SEMA5A: variants seen among roughly 807,000 people sequenced by gnomAD.
SEMA5A encodes the protein semaphorin-5A.
Under a neutral mutation model 135.5 loss-of-function variants are expected in SEMA5A, and 55 were observed. The ratio of observed to expected loss-of-function variants is 0.41; its 90% CI spans 0.33 to 0.51. SEMA5A has a LOEUF of 0.51. SEMA5A is among the 20% of genes least tolerant of loss of function. The pLI, the probability that SEMA5A is intolerant of heterozygous loss-of-function variation, is 0.37. For missense variants in SEMA5A, 1,290 were observed against 1,419.9 expected (o/e 0.91, Z 1.47); for synonymous variants, 580 against 546.5 (o/e 1.06, Z -0.85).
chr5:9,327,053 G>C (rs1037499301), intron 4 of SEMA5A, among the ~76,000 whole-genome samples: 1 of 152,002 alleles, frequency 6.6e-6, no homozygotes, highest in African/African-American at 2.4e-5. Flanking sequence ...CCTAAAAAAT[G>C]TCTGCTTCAT....
chr5:9,290,178 T>C (rs903483670), intron 5 of SEMA5A, among the ~76,000 whole-genome samples: 1 of 152,190 alleles, frequency 6.6e-6, no homozygotes, highest in Non-Finnish European at 1.5e-5. Flanking sequence ...CTGTACCCAA[T>C]GTGTAGTCTT....
chr5:9,316,742 T>A (rs1001786377), intron 5 of SEMA5A, among the ~76,000 whole-genome samples: 2 of 152,156 alleles, frequency 1.3e-5, no homozygotes, highest in African/African-American at 4.8e-5. Context: ...AATGGCTAAA[T>A]CAAGCTAATT....
intron 18 of SEMA5A, among the ~76,000 whole-genome samples, chr5:9,058,180 A>T (rs148237793): frequency 6.6e-6 from 1 of 152,338 alleles, no homozygotes; most frequent in African/African-American, 2.4e-5. Context: ...TAATAGTAAT[A>T]ATTAAAATAA....
intron 3 of SEMA5A, among the ~76,000 whole-genome samples, chr5:9,351,300 A>C (rs1754103892): frequency 6.6e-6 from 1 of 152,154 alleles, no homozygotes; most frequent in Admixed American, 6.5e-5. Context: ...ATAGCATCAA[A>C]TCTCTTAGGC....
chr5:9,263,176 T>G (rs1030435135), intron 5 of SEMA5A, among the ~76,000 whole-genome samples: 4 of 152,160 alleles, frequency 2.6e-5, no homozygotes, highest in South Asian at 4.1e-4. Flanking sequence ...TTTGTTATCA[T>G]TGAAAGAAAG....
Position 9,436,363 on chromosome 5 carries a change from G to A in SEMA5A, c.-78+1393C>T, listed in dbSNP as rs1291968254. On this transcript the variant is annotated intron_variant, in intron 2 of 22. Transcript: ENST00000382496. ...GGAGGTTCCGGTTAAGACACTATGT[G>A]AACCTGAATCTACGTGGGCTGGAGA... Among the ~76,000 whole-genome samples, 3 of 152,290 alleles carry A rather than the reference G, an allele frequency of 2.0e-5. No individual in the cohort carries two copies. In the East Asian group the frequency reaches 5.8e-4, roughly 29 times the overall value.
At chr5:9,099,159 A>G (rs1000780956) in intron 16 of SEMA5A, among the ~76,000 whole-genome samples, 1 of 152,038 alleles carries the variant, frequency 6.6e-6, no homozygotes, top group Non-Finnish European at 1.5e-5. Flanking sequence ...TTTTCTCTCC[A>G]TCTGTGCCAT....
At chr5:9,491,620 C>T (rs1735011352) in intron 1 of SEMA5A, among the ~76,000 whole-genome samples, 1 of 152,148 alleles carries the variant, frequency 6.6e-6, no homozygotes, top group Non-Finnish European at 1.5e-5. Flanking sequence ...GTTTAGATTT[C>T]TATCATCAAC....
chr5:9,459,123 A>T (rs919051715), intron 1 of SEMA5A, among the ~76,000 whole-genome samples: 3 of 152,192 alleles, frequency 2.0e-5, no homozygotes, highest in African/African-American at 7.2e-5. Context: ...CTTTTTAAAA[A>T]AAGTCCCATA....
chr5:9,202,631 A>G (rs1745779907), intron 8 of SEMA5A, among the ~76,000 whole-genome samples: 1 of 152,206 alleles, frequency 6.6e-6, no homozygotes, highest in Non-Finnish European at 1.5e-5. Context: ...AAAAGATGAA[A>G]TGTGGTTCAG....
intron 3 of SEMA5A, among the ~76,000 whole-genome samples, chr5:9,372,107 C>T (rs550123571): frequency 2.0e-5 from 3 of 152,292 alleles, no homozygotes; most frequent in Non-Finnish European, 4.4e-5. Flanking sequence ...GAGAGAAATA[C>T]TGGAAGCAGT....
chr5:9,109,972 G>A (rs1206548858), intron 15 of SEMA5A, among the ~76,000 whole-genome samples: 1 of 152,136 alleles, frequency 6.6e-6, no homozygotes, highest in Non-Finnish European at 1.5e-5. Context: ...AAAATTTCAT[G>A]GGGAATGTGT....
In SEMA5A at chr5:9,520,963, T is replaced by G. The variant is rs148585286; in HGVS notation, c.-175+24621A>C. ...GAGGAAGTCAGAATAGAGCGTGGCCTTCAGTGAGTAATGATGCATCAGTGT... is the reference window on the plus strand; with the variant it reads ...GAGGAAGTCAGAATAGAGCGTGGCCGTCAGTGAGTAATGATGCATCAGTGT... On this transcript the variant is annotated intron_variant, in intron 1 of 22. Coordinates refer to ENST00000382496, the MANE Select transcript of SEMA5A (RefSeq NM_003966.3). Among the ~76,000 whole-genome samples the G allele has an allele frequency of 2.6e-3, 403 of 152,308 alleles. 4 individuals are homozygous for G. Among genetic ancestry groups the G allele is most frequent in the African/African-American group, 9.4e-3 (390 of 41,562 alleles).
Position 9,270,527 on chromosome 5 carries a change from G to C in SEMA5A, c.271-32637C>G, listed in dbSNP as rs116609620. Among the ~76,000 whole-genome samples, 1,400 of 152,152 alleles carry C rather than the reference G, an allele frequency of 9.2e-3. 17 individuals are homozygous for C. Among genetic ancestry groups the C allele is most frequent in the African/African-American group, 0.032 (1,340 of 41,546 alleles). The stretch of plus-strand genomic sequence containing the variant: ...CAATAACAACTCTTTCTAGATTCTG[G>C]CCAGAAAAGGAAGTATGAAAGGTAC... On this transcript the variant is annotated intron_variant, in intron 5 of 22. Transcript: ENST00000382496.
chr5:9,321,594 G>T (rs1184410354), intron 4 of SEMA5A, among the ~76,000 whole-genome samples: 1 of 152,180 alleles, frequency 6.6e-6, no homozygotes, highest in Non-Finnish European at 1.5e-5. Flanking sequence ...TAGGGTTGTT[G>T]TGAGGTTTAA....
chr5:9,306,146 G>A (rs567473211), intron 5 of SEMA5A, among the ~76,000 whole-genome samples: 1 of 152,284 alleles, frequency 6.6e-6, no homozygotes, highest in South Asian at 2.1e-4. Context: ...TTGTATTTGA[G>A]GTTTGCAGAG....
At chr5:9,479,716 G>A (rs1014308075) in intron 1 of SEMA5A, among the ~76,000 whole-genome samples, 1 of 152,130 alleles carries the variant, frequency 6.6e-6, no homozygotes, top group Non-Finnish European at 1.5e-5. Flanking sequence ...TCAGAACAAG[G>A]GAAATCTTTG....
intron 5 of SEMA5A, among the ~76,000 whole-genome samples, chr5:9,288,006 C>T (rs889058384): frequency 3.3e-5 from 5 of 151,104 alleles, no homozygotes; most frequent in African/African-American, 1.2e-4. Context: ...TTCAAAAACA[C>T]TTATGGATTA....
chr5:9,531,266 T>C (rs540899461), intron 1 of SEMA5A, among the ~76,000 whole-genome samples: 3 of 152,268 alleles, frequency 2.0e-5, no homozygotes, highest in African/African-American at 7.2e-5. Context: ...TGTAAATAGT[T>C]CTATCTTTTC....
Sources: gnomAD v4.1 joint callset for allele counts (sites outside exome capture counted in the v4.1 genomes callset) on GRCh38, gnomAD v4.1.1 for gene constraint, MANE v1.5 for transcripts, NCBI Gene and HGNC (gene_info 2026-07-23, HGNC 2026-07-21) for gene names.